Variants in SH3RF1 observed in about 807,000 individuals in gnomAD.
SH3RF1 encodes the protein E3 ubiquitin-protein ligase SH3RF1.
In SH3RF1, 32 loss-of-function variants were observed where a neutral mutation model predicts 74.0. That is an observed-to-expected ratio of 0.43 (90% CI 0.33 to 0.58). The LOEUF (loss-of-function observed/expected upper bound fraction) is 0.58, where lower values mean the gene tolerates loss of function less well. SH3RF1 is among the 20% of genes least tolerant of loss of function. SH3RF1 has a pLI of 0.05. For missense variants in SH3RF1, 954 were observed against 1,130.9 expected, an observed-to-expected ratio of 0.84 and a Z score of 2.24; for synonymous variants, 396 against 439.6, an observed-to-expected ratio of 0.90 and a Z score of 1.24.
Position 169,229,691 on chromosome 4 carries a change from G to T in SH3RF1, c.393+39129C>A, listed in dbSNP as rs545038856. ...CTAATGTAGAGCATATCTCCACAGA[G>T]TATTACTCATGAGTAAGCCCCACAG... On this transcript the variant is annotated intron_variant, in intron 2 of 11. Coordinates refer to ENST00000284637, the MANE Select transcript of SH3RF1 (RefSeq NM_020870.4). 5.9e-5 allele frequency among the ~76,000 whole-genome samples: 9 copies of T among 152,268 alleles called. 1 individual carries two copies. The South Asian group carries it at 1.9e-3, about 32-fold the overall frequency.
At chr4:169,182,218 G>A (rs969392255) in intron 2 of SH3RF1, among the ~76,000 whole-genome samples, 1 of 152,134 alleles carries the variant, frequency 6.6e-6, no homozygotes, top group African/African-American at 2.4e-5. Flanking sequence ...AAAGTTATTT[G>A]TGTTTTACTC....
At chr4:169,168,694 G>A (rs1477122508) in intron 2 of SH3RF1, among the ~76,000 whole-genome samples, 2 of 152,188 alleles carry the variant, frequency 1.3e-5, no homozygotes, top group Admixed American at 1.3e-4. Flanking sequence ...TCTTTCACTG[G>A]AGACTTTGAA....
intron 2 of SH3RF1, among the ~76,000 whole-genome samples, chr4:169,265,574 A>G (rs1731339357): frequency 6.6e-6 from 1 of 152,166 alleles, no homozygotes; most frequent in Admixed American, 6.5e-5. Context: ...CCCAGGTTCA[A>G]GCGATTCTCC....
intron 4 of SH3RF1, among the ~76,000 whole-genome samples, chr4:169,142,884 T>C (rs1733808356): frequency 6.6e-6 from 1 of 152,176 alleles, no homozygotes; most frequent in African/African-American, 2.4e-5. Context: ...ATTTGTCTCC[T>C]ATTCTTCCCT....
intron 6 of SH3RF1, among the ~76,000 whole-genome samples, chr4:169,125,252 G>T (rs370364149): frequency 6.6e-6 from 1 of 152,136 alleles, no homozygotes; most frequent in Non-Finnish European, 1.5e-5. Context: ...GGCAGTCCTC[G>T]ACTTCCTTCC....
chr4:169,145,101 G>T (rs975513829), intron 4 of SH3RF1, among the ~76,000 whole-genome samples: 3 of 152,088 alleles, frequency 2.0e-5, no homozygotes, highest in Non-Finnish European at 4.4e-5. Flanking sequence ...CAAAGGAAAA[G>T]AAATCATTTT....
chr4:169,186,961 C>T (rs1170261595), intron 2 of SH3RF1, among the ~76,000 whole-genome samples: 5 of 146,456 alleles, frequency 3.4e-5, no homozygotes, highest in Non-Finnish European at 5.9e-5. Context: ...TTGCAGTGAG[C>T]GAAGATGGCA....
At position 169,235,886 on chromosome 4, in the gene SH3RF1, G is replaced by C. The variant is rs1274265479; in HGVS notation, c.393+32934C>G. 4.6e-5 allele frequency among the ~76,000 whole-genome samples: 7 copies of C among 152,190 alleles called. No individual in the cohort carries two copies. In the East Asian group the frequency reaches 1.4e-3, roughly 29 times the overall value. On this transcript the variant is annotated intron_variant, in intron 2 of 11. Transcript: ENST00000284637. ...AGAAGAGACAGGGTTTCACCATGTT[G>C]GCCAGGCTGCTGTCAAACTCCTGAC...
chr4:169,157,743 T>C (rs113294361), intron 2 of SH3RF1, among the ~76,000 whole-genome samples: 1 of 138,336 alleles, frequency 7.2e-6, no homozygotes, highest in South Asian at 2.3e-4. Flanking sequence ...TTTACTTTTT[T>C]TTTCTTTTTT....
chr4:169,228,989 A>G (rs1300098185), intron 2 of SH3RF1, among the ~76,000 whole-genome samples: 1 of 152,254 alleles, frequency 6.6e-6, no homozygotes, highest in African/African-American at 2.4e-5. Flanking sequence ...GATGGTTCCA[A>G]GAGTGCAAAC....
At chr4:169,120,380 T>G (rs1424136445) in intron 8 of SH3RF1, among the ~76,000 whole-genome samples, 1 of 152,262 alleles carries the variant, frequency 6.6e-6, no homozygotes, top group Non-Finnish European at 1.5e-5. Context: ...ATGATATCTC[T>G]GTGCCTCAAT....
chr4:169,106,010 T>A (rs982137451), intron 11 of SH3RF1, among the ~76,000 whole-genome samples: 2 of 151,236 alleles, frequency 1.3e-5, no homozygotes, highest in Admixed American at 6.6e-5. Flanking sequence ...TTTTTGCAAT[T>A]TTTTTTTAGC....
Position 169,249,183 on chromosome 4 carries a change from G to A in SH3RF1, c.393+19637C>T, listed in dbSNP as rs1478334044. ...GCGGAGCTTGCAGTGAGCCGAGATCGTCCCACTGCACTCCAGCCTGGGCAA... is the reference window on the plus strand; with the variant it reads ...GCGGAGCTTGCAGTGAGCCGAGATCATCCCACTGCACTCCAGCCTGGGCAA... On this transcript the variant is annotated intron_variant, in intron 2 of 11. Coordinates refer to ENST00000284637, the MANE Select transcript of SH3RF1 (RefSeq NM_020870.4). 1.1e-4 allele frequency among the ~76,000 whole-genome samples: 16 copies of A among 152,032 alleles called. 1 individual carries two copies. Among genetic ancestry groups the A allele is most frequent in the Admixed American group, 8.5e-4 (13 of 15,274 alleles).
intron 2 of SH3RF1, among the ~76,000 whole-genome samples, chr4:169,264,158 T>C (rs1731318462): frequency 6.6e-6 from 1 of 152,146 alleles, no homozygotes; most frequent in Admixed American, 6.5e-5. Flanking sequence ...ACAACAAAAA[T>C]GTATTTCCTC....
chr4:169,126,963 C>T (rs537760972), intron 6 of SH3RF1, among the ~76,000 whole-genome samples: 59 of 152,316 alleles, frequency 3.9e-4, no homozygotes, highest in African/African-American at 1.2e-3. Flanking sequence ...ATTGACCTGA[C>T]TACCTTATAA....
intron 2 of SH3RF1, among the ~76,000 whole-genome samples, chr4:169,247,808 C>T (rs926223199): frequency 4.6e-5 from 7 of 151,976 alleles, no homozygotes; most frequent in East Asian, 1.9e-4. Context: ...AAGAAAAAAA[C>T]GACCCCATCA....
At chr4:169,196,501 G>C (rs1734814308) in intron 2 of SH3RF1, among the ~76,000 whole-genome samples, 1 of 152,194 alleles carries the variant, frequency 6.6e-6, no homozygotes, top group East Asian at 1.9e-4. Flanking sequence ...AGTAATTTGA[G>C]AACTAGGATA....
chr4:169,173,711 G>A (rs1734368483), intron 2 of SH3RF1, among the ~76,000 whole-genome samples: 2 of 152,090 alleles, frequency 1.3e-5, no homozygotes, highest in Non-Finnish European at 2.9e-5. Context: ...TACTGAGCTT[G>A]TGAAATATGT....
At chr4:169,166,181 T>A (rs1561042108) in intron 2 of SH3RF1, 1 of 151,832 alleles carries the variant, frequency 6.6e-6, no homozygotes, top group Non-Finnish European at 1.5e-5. Flanking sequence ...TATATATATA[T>A]AATAAAGGAC....
Sources: allele counts gnomAD v4.1 joint callset (sites outside exome capture counted in the v4.1 genomes callset), GRCh38; gene constraint gnomAD v4.1.1; transcripts MANE v1.5; gene names NCBI Gene and HGNC (gene_info 2026-07-23, HGNC 2026-07-21).